CLSTN3: variants seen among roughly 807,000 people sequenced by gnomAD.
CLSTN3 encodes the protein calsyntenin-3.
A neutral mutation model predicts 95.9 loss-of-function variants in CLSTN3; 36 were observed. The ratio of observed to expected loss-of-function variants is 0.38; its 90% CI spans 0.29 to 0.50. The LOEUF (loss-of-function observed/expected upper bound fraction) is 0.50, where lower values mean the gene tolerates loss of function less well. Among genes scored for constraint, CLSTN3 ranks in the 20% least tolerant of loss-of-function variants. The pLI, the probability that CLSTN3 is intolerant of heterozygous loss-of-function variation, is 0.95. For missense variants in CLSTN3, 1,084 were observed against 1,268.8 expected, an observed-to-expected ratio of 0.85 and a Z score of 2.21; for synonymous variants, 481 against 504.0, an observed-to-expected ratio of 0.95 and a Z score of 0.61.
At position 7,149,410 on chromosome 12, in the gene CLSTN3, T is replaced by G. The variant is rs1939682972; in HGVS notation, c.2075-113T>G. ...GATATTCTTGAAAATGATGCTGACT[T>G]CCCTCTCCCTGGCCCTGGAAAGGGA... is the stretch of plus-strand genomic sequence containing the variant. On this transcript the variant is annotated intron_variant, in intron 13 of 17. Coordinates refer to ENST00000266546, the MANE Select transcript of CLSTN3 (RefSeq NM_014718.4). The surrounding 1 kb of genome is among the most constrained non-coding windows in gnomAD (Gnocchi z 4.5). The G allele has an allele frequency of 2.8e-6, 3 of 1,058,656 alleles. No individual in the cohort carries two copies. The highest frequency in any genetic ancestry group is 3.2e-5 in the African/African-American group (2 of 63,242). The allele number at this position is 1,058,656 out of a possible 1,614,324, so 65.6% of individuals were successfully genotyped here.
chr12:7,132,433 T>C, intron 1 of CLSTN3: 1 of 204,186 alleles, frequency 4.9e-6, no homozygotes. Context: ...CCCCTCCCTC[T>C]GTCCTATATA....
In CLSTN3 at chr12:7,150,864, G is replaced by A. The variant is rs1380750511; in HGVS notation, c.2392-64G>A. The A allele has an allele frequency of 1.9e-6, 3 of 1,550,050 alleles. No homozygotes were observed. The highest frequency in any genetic ancestry group is 1.8e-5 in the Admixed American group (1 of 54,940). On this transcript the variant is annotated intron_variant, in intron 15 of 17. Coordinates refer to ENST00000266546, the MANE Select transcript of CLSTN3 (RefSeq NM_014718.4). This position sits in a 1 kb window ranked among gnomAD's most constrained non-coding sequence, Gnocchi z 4.0. ...GCAGTAGTTAGGAGATGGGGCTGGG[G>A]TCTAGAGAAGTGGGGAGGACCTGGG...
Position 7,133,014 on chromosome 12 carries a change from G to A in CLSTN3, c.65-10G>A, listed in dbSNP as rs1185876211. ...AGGTGCTTCCTCTCCTCTCCCTGGG[G>A]TGGGGCCAGCCAACAAGCACAAGCC... On this transcript the variant is annotated splice_polypyrimidine_tract_variant and intron_variant, in intron 1 of 17. Coordinates refer to ENST00000266546, the MANE Select transcript of CLSTN3 (RefSeq NM_014718.4). This position sits in a 1 kb window ranked among gnomAD's most constrained non-coding sequence, Gnocchi z 4.7. 2 of 1,613,224 alleles carry A rather than the reference G, an allele frequency of 1.2e-6. No individual in the cohort carries two copies. The highest frequency in any genetic ancestry group is 2.2e-5 in the East Asian group (1 of 44,858).
At chr12:7,131,393 G>A (rs1301886226) in intron 1 of CLSTN3, 6 of 223,368 alleles carry the variant, frequency 2.7e-5, no homozygotes, top group Non-Finnish European at 4.5e-5. Context: ...GGAAAGGGCA[G>A]AAGTGGGTGT....
At chr12:7,144,424 C>T (rs1363598327) in intron 12 of CLSTN3, among the ~76,000 whole-genome samples, 1 of 152,112 alleles carries the variant, frequency 6.6e-6, no homozygotes, top group Admixed American at 6.5e-5. Flanking sequence ...AGCTTTTTGG[C>T]ACTGGGCAAA....
chr12:7,132,218 G>A (rs1939318418), intron 1 of CLSTN3, among the ~76,000 whole-genome samples: 1 of 152,120 alleles, frequency 6.6e-6, no homozygotes, highest in Admixed American at 6.5e-5. Flanking sequence ...TATAAAAAGT[G>A]GGTTTCAGGG....
chr12:7,133,849 G>A lies in CLSTN3; in HGVS notation c.383+81G>A, dbSNP rs1161268354. On this transcript the variant is annotated intron_variant, in intron 3 of 17. Coordinates refer to ENST00000266546, the MANE Select transcript of CLSTN3 (RefSeq NM_014718.4). The surrounding 1 kb of genome is among the most constrained non-coding windows in gnomAD (Gnocchi z 4.7). The stretch of plus-strand genomic sequence containing the variant: ...CAAGCCCACCATCCTCTGTCCGTGC[G>A]GTCATCGAATATCCACCCCCACCCG... 17 of 1,203,046 alleles carry A rather than the reference G, an allele frequency of 1.4e-5. No individual in the cohort carries two copies. The highest frequency in any genetic ancestry group is 2.5e-5 in the East Asian group (1 of 40,560). 74.5% of individuals were successfully genotyped at this position (1,203,046 alleles called of 1,614,324 possible).
rs1049334852 is a variant in CLSTN3, at chr12:7,149,128, T to G, written c.2004T>G (p.Pro668=). 6.2e-7 allele frequency: 1 copy of G among 1,614,094 alleles called. No individual in the cohort carries two copies. The highest frequency in any genetic ancestry group is 1.3e-5 in the African/African-American group (1 of 74,938). The part of the protein sequence containing the change: ...FEGTNGVPLF[P]DLQITCSISH... The stretch of plus-strand genomic sequence containing the variant: ...GAACCAACGGCGTCCCTTTGTTCCC[T>G]GATCTTCAAATCACCTGCTCCATTT... Residue 668 remains proline (P), a synonymous_variant, in exon 13 of 18, where the codon CCT becomes CCG. Transcript: ENST00000266546. This position sits in a 1 kb window ranked among gnomAD's most constrained non-coding sequence, Gnocchi z 4.5.
In CLSTN3 at chr12:7,143,909, C is replaced by T. The variant is rs181514686; in HGVS notation, c.1847+598C>T. ...TAGTTGGGACAAAGATCATATGGCC[C>T]CCTCAAACAGAACTATCTAATCCTT... On this transcript the variant is annotated intron_variant, in intron 12 of 17. Transcript: ENST00000266546. Among the ~76,000 whole-genome samples, 15 of 152,258 alleles carry T rather than the reference C, an allele frequency of 9.9e-5. No individual in the cohort carries two copies. In the East Asian group the frequency reaches 2.7e-3, roughly 27 times the overall value.
At chr12:7,147,308 G>A (rs574950996) in intron 12 of CLSTN3, among the ~76,000 whole-genome samples, 5 of 140,740 alleles carry the variant, frequency 3.6e-5, no homozygotes, top group African/African-American at 7.9e-5. Flanking sequence ...GCTGAGGCAC[G>A]AGATTGCTTG....
chr12:7,157,366 C>A lies in CLSTN3; in HGVS notation c.2528-123C>A. On this transcript the variant is annotated intron_variant, in intron 16 of 17. Transcript: ENST00000266546. The surrounding 1 kb of genome is among the most constrained non-coding windows in gnomAD (Gnocchi z 5.9). ...CTCCAGGTGTTCCTCTCTTCTCGGC[C>A]ACCGTGTGTTCTGCCCTGGGAGTCC... 1.3e-6 allele frequency: 1 copy of A among 788,304 alleles called. No homozygotes were observed. The highest frequency in any genetic ancestry group is 1.9e-6 in the Non-Finnish European group (1 of 516,616). 48.8% of individuals were successfully genotyped at this position (788,304 alleles called of 1,614,324 possible).
chr12:7,151,659 A>G (rs1158559651), intron 16 of CLSTN3, among the ~76,000 whole-genome samples: 5 of 152,202 alleles, frequency 3.3e-5, no homozygotes, highest in Admixed American at 6.5e-5. Context: ...CGTGGTCCCA[A>G]AGGTTCCCGG....
In CLSTN3 at chr12:7,143,745, C is replaced by T. The variant is rs1459653296; in HGVS notation, c.1847+434C>T. On this transcript the variant is annotated intron_variant, in intron 12 of 17. Coordinates refer to ENST00000266546, the MANE Select transcript of CLSTN3 (RefSeq NM_014718.4). Reference sequence around the variant, plus strand: ...CACCAAGCTCTTGCAAGGTCACGTACGATGGCCTAAGTCTGGGGGTTGGCA... The same window carrying T: ...CACCAAGCTCTTGCAAGGTCACGTATGATGGCCTAAGTCTGGGGGTTGGCA... Among the ~76,000 whole-genome samples, 6 of 152,310 alleles carry T rather than the reference C, an allele frequency of 3.9e-5. No individual in the cohort carries two copies. The South Asian group carries it at 6.2e-4, about 16-fold the overall frequency.
Position 7,150,762 on chromosome 12 carries a change from T to C in CLSTN3, c.2391+73T>C. Reference sequence around the variant, plus strand: ...GAGCTGAGGTGGCATGGACTCAAAATGTTAGTTGGTGGGCATGGACATGGC... The same window carrying C: ...GAGCTGAGGTGGCATGGACTCAAAACGTTAGTTGGTGGGCATGGACATGGC... On this transcript the variant is annotated intron_variant, in intron 15 of 17. Transcript: ENST00000266546. This position sits in a 1 kb window ranked among gnomAD's most constrained non-coding sequence, Gnocchi z 4.0. 1 of 1,584,000 alleles carries C rather than the reference T, an allele frequency of 6.3e-7. No individual in the cohort carries two copies. Among genetic ancestry groups the C allele is most frequent in the Non-Finnish European group, 8.6e-7 (1 of 1,158,834 alleles).
At chr12:7,131,202 G>A (rs968117738) in intron 1 of CLSTN3, 1 of 238,128 alleles carries the variant, frequency 4.2e-6, no homozygotes, top group Non-Finnish European at 8.4e-6. Context: ...TTTTGCGTGT[G>A]CCTCTGCATT....
At chr12:7,134,778 C>G (rs902881942) in intron 3 of CLSTN3, among the ~76,000 whole-genome samples, 2 of 152,196 alleles carry the variant, frequency 1.3e-5, no homozygotes, top group Admixed American at 6.5e-5. Flanking sequence ...TATGCCTTAC[C>G]CCTCCTCTTG....
In CLSTN3 at chr12:7,150,857, G is replaced by T; in HGVS notation, c.2392-71G>T. 1.3e-6 allele frequency: 2 copies of T among 1,549,922 alleles called. No homozygotes were observed. Among genetic ancestry groups the T allele is most frequent in the Non-Finnish European group, 1.8e-6 (2 of 1,142,040 alleles). ...GATGGGGGCAGTAGTTAGGAGATGG[G>T]GCTGGGGTCTAGAGAAGTGGGGAGG... is the stretch of plus-strand genomic sequence containing the variant. On this transcript the variant is annotated intron_variant, in intron 15 of 17. Transcript: ENST00000266546. This position sits in a 1 kb window ranked among gnomAD's most constrained non-coding sequence, Gnocchi z 4.0.
In CLSTN3 at chr12:7,149,034, A is replaced by C; in HGVS notation, c.1910A>C (p.Gln637Pro). ...GTGGAGGGCTACGTGGTCGTCCTTC[A>C]GCCTGACGCCCCCCAGATCCTGCTG... is the stretch of plus-strand genomic sequence containing the variant. Reference protein sequence around the residue: ...PEVEGYVVVLQPDAPQILLSG... With the variant: ...PEVEGYVVVLPPDAPQILLSG... Residue 637 changes from glutamine to proline, a missense_variant, in exon 13 of 18, where the codon CAG becomes CCG. Transcript: ENST00000266546. This position sits in a 1 kb window ranked among gnomAD's most constrained non-coding sequence, Gnocchi z 4.5. 1 of 1,614,150 alleles carries C rather than the reference A, an allele frequency of 6.2e-7. No individual in the cohort carries two copies. Among genetic ancestry groups the C allele is most frequent in the Non-Finnish European group, 8.5e-7 (1 of 1,180,020 alleles).
chr12:7,156,180 T>G, intron 16 of CLSTN3: 1 of 431,184 alleles, frequency 2.3e-6, no homozygotes, highest in Non-Finnish European at 4.7e-6. Context: ...CTGCTGTGTA[T>G]GCATGGTGGG....
Sources: allele counts gnomAD v4.1 joint callset (sites outside exome capture counted in the v4.1 genomes callset), GRCh38; gene constraint gnomAD v4.1.1; non-coding constraint Gnocchi (gnomAD v3.1); transcripts MANE v1.5; gene names NCBI Gene and HGNC (gene_info 2026-07-23, HGNC 2026-07-21).